Variants in SLC25A25 observed in about 807,000 individuals in gnomAD.
The protein encoded by SLC25A25 is solute carrier family 25 member 25, also known as mitochondrial adenyl nucleotide antiporter SLC25A25.
In SLC25A25, 32 loss-of-function variants were observed where a neutral mutation model predicts 57.7. The observed-to-expected ratio is 0.55, with a 90% CI of 0.42 to 0.74. The LOEUF is 0.74. Among genes scored for constraint, SLC25A25 ranks in the 30% least tolerant of loss-of-function variants. The pLI, the probability that SLC25A25 is intolerant of heterozygous loss-of-function variation, is 0.00. For missense variants in SLC25A25, 556 were observed against 701.3 expected, an observed-to-expected ratio of 0.79 and a Z score of 2.34; for synonymous variants, 306 against 291.2, an observed-to-expected ratio of 1.05 and a Z score of -0.52.
chr9:128,107,830 C>G lies in SLC25A25; in HGVS notation c.*386C>G. 1 of 404,186 alleles carries G rather than the reference C, an allele frequency of 2.5e-6. No homozygotes were observed. The highest frequency in any genetic ancestry group is 3.5e-5 in the East Asian group (1 of 28,178). The allele number at this position is 404,186 out of a possible 1,614,324, so 25.0% of individuals were successfully genotyped here. On this transcript the variant is annotated 3_prime_UTR_variant, in exon 11 of 11. Transcript: ENST00000373069. ...CCACGGCCCCTGCCCTCTGGTCTGC[C>G]GTGCATCTCCCTGTGCCCTCTTGCT...
chr9:128,100,294 T>G (rs995520814), intron 1 of SLC25A25, among the ~76,000 whole-genome samples: 7 of 151,750 alleles, frequency 4.6e-5, no homozygotes, highest in Non-Finnish European at 8.8e-5. Flanking sequence ...CTGTCCCAGT[T>G]GCCAACCATT....
In SLC25A25 at chr9:128,068,547, C is replaced by T. The variant is rs1158432733; in HGVS notation, c.228C>T (p.Arg76=). 1 of 1,480,370 alleles carries T rather than the reference C, an allele frequency of 6.8e-7. No homozygotes were observed. Among genetic ancestry groups the T allele is most frequent in the African/African-American group, 1.5e-5 (1 of 68,638 alleles). The allele number at this position is 1,480,370 out of a possible 1,614,324, so 91.7% of individuals were successfully genotyped here. The change falls in exon 1 of 11, where the codon CGC becomes CGT. Residue 76 remains arginine, a synonymous_variant. Coordinates refer to ENST00000373069, the MANE Select transcript of SLC25A25 (RefSeq NM_001330988.2). ...ACGACCTGGCGGTGGGGCTGCGGCG[C>T]CTGGGACTGCACCGCACCGAGGGCG... ...CVNDLAVGLR[R]LGLHRTEGEL...
chr9:128,102,763 A>G lies in SLC25A25; in HGVS notation c.624+282A>G, dbSNP rs1833859599. Among the ~76,000 whole-genome samples, 1 of 152,126 alleles carries G rather than the reference A, an allele frequency of 6.6e-6. No individual in the cohort carries two copies. Among genetic ancestry groups the G allele is most frequent in the South Asian group, 2.1e-4 (1 of 4,814 alleles). ...CCCTGCTCCCTGCTCCTCATGGGCC[A>G]CTTCAAATACCCCTTCCCATGATGC... On this transcript the variant is annotated intron_variant, in intron 5 of 10. Coordinates refer to ENST00000373069, the MANE Select transcript of SLC25A25 (RefSeq NM_001330988.2). The surrounding 1 kb of genome is among the most constrained non-coding windows in gnomAD (Gnocchi z 4.1).
intron 1 of SLC25A25, among the ~76,000 whole-genome samples, chr9:128,097,876 G>T (rs1833608928): frequency 6.6e-6 from 1 of 152,238 alleles, no homozygotes; most frequent in Non-Finnish European, 1.5e-5. Flanking sequence ...GTGGGCTGTG[G>T]AGGGCTGCAG....
chr9:128,070,290 G>A (rs1832876746), intron 1 of SLC25A25, among the ~76,000 whole-genome samples: 2 of 151,186 alleles, frequency 1.3e-5, no homozygotes, highest in Non-Finnish European at 1.5e-5. Flanking sequence ...AAGAGAGATG[G>A]GGTTTCACCG....
At chr9:128,068,634 G>C (rs902672004) in intron 1 of SLC25A25, 54 bp downstream of exon 1, 2 of 1,387,868 alleles carry the variant, frequency 1.4e-6, no homozygotes, top group African/African-American at 3.0e-5. Flanking sequence ...CGAGGGCCGG[G>C]TGACAGGTCT....
At chr9:128,098,570 C>G in intron 1 of SLC25A25, 1 of 1,611,956 alleles carries the variant, frequency 6.2e-7, no homozygotes, top group Non-Finnish European at 8.5e-7. Context: ...CGCCAACATG[C>G]TCTGTCTGTG....
At chr9:128,073,208 C>T (rs1832942477) in intron 1 of SLC25A25, among the ~76,000 whole-genome samples, 1 of 152,214 alleles carries the variant, frequency 6.6e-6, no homozygotes, top group Admixed American at 6.6e-5. Flanking sequence ...TGCTCCTCTC[C>T]TCCTTAACAC....
At chr9:128,080,481 C>CTT (rs11445322) in intron 1 of SLC25A25, among the ~76,000 whole-genome samples, 4,886 of 141,722 alleles carry the variant, frequency 0.034, 231 homozygotes, top group African/African-American at 0.099. Context: ...CCTTGTTGGG[C>CTT]TTTTTTTTTT....
intron 1 of SLC25A25, among the ~76,000 whole-genome samples, chr9:128,088,423 C>T (rs1461885228): frequency 6.6e-6 from 1 of 152,178 alleles, no homozygotes; most frequent in Admixed American, 6.5e-5. Context: ...GTGCAGCTCT[C>T]TCCTCTCCGG....
rs1834142162 is a variant in SLC25A25 at position 128,108,497 on chromosome 9, T to C, written c.*1053T>C. On this transcript the variant is annotated 3_prime_UTR_variant, in exon 11 of 11. Coordinates refer to ENST00000373069, the MANE Select transcript of SLC25A25 (RefSeq NM_001330988.2). Reference sequence around the variant, plus strand: ...GGACCAGCCCCACATTCCACTTGTGTCACTGCTTGGAACCTATTTATTTTG... The same window carrying C: ...GGACCAGCCCCACATTCCACTTGTGCCACTGCTTGGAACCTATTTATTTTG... 2.6e-6 allele frequency: 1 copy of C among 383,502 alleles called. No individual in the cohort carries two copies. The highest frequency in any genetic ancestry group is 2.1e-5 in the African/African-American group (1 of 48,370). The allele number at this position is 383,502 out of a possible 1,614,324, so 23.8% of individuals were successfully genotyped here.
At chr9:128,093,925 A>G (rs930693671) in intron 1 of SLC25A25, among the ~76,000 whole-genome samples, 2 of 152,200 alleles carry the variant, frequency 1.3e-5, no homozygotes, top group Non-Finnish European at 2.9e-5. Context: ...TGAGGTGGAC[A>G]GATCACGAGG....
At chr9:128,084,330 G>A (rs1472797350) in intron 1 of SLC25A25, among the ~76,000 whole-genome samples, 1 of 150,164 alleles carries the variant, frequency 6.7e-6, no homozygotes, top group East Asian at 2.0e-4. Flanking sequence ...GCGCGATCTC[G>A]GCTTACTGCA....
intron 1 of SLC25A25, among the ~76,000 whole-genome samples, chr9:128,098,132 CTG>C (rs2130811135): frequency 6.6e-6 from 1 of 152,362 alleles, no homozygotes; most frequent in African/African-American, 2.4e-5. Flanking sequence ...AGGAGAAAAA[CTG>C]TTGTGTGACA....
intron 1 of SLC25A25, among the ~76,000 whole-genome samples, chr9:128,077,882 C>G (rs1370307951): frequency 4.6e-5 from 7 of 151,850 alleles, no homozygotes; most frequent in Non-Finnish European, 1.5e-5. Context: ...AAAAATTAGC[C>G]GAGCATGGTG....
chr9:128,086,328 ATTTTT>A (rs35134996), intron 1 of SLC25A25, among the ~76,000 whole-genome samples: 3 of 95,434 alleles, frequency 3.1e-5, no homozygotes, highest in Admixed American at 1.2e-4. Flanking sequence ...TACTCGGCTA[ATTTTT>A]TTTTTTTTTT....
At position 128,091,576 on chromosome 9, in the gene SLC25A25, C is replaced by T. The variant is rs1833407832; in HGVS notation, c.262-9520C>T. ...TTTTTTTTTTTAAAAAAAAGCCAAA[C>T]GTTTGCTCACCATCACCTGCAGAAG... On this transcript the variant is annotated intron_variant, in intron 1 of 10. Coordinates refer to ENST00000373069, the MANE Select transcript of SLC25A25 (RefSeq NM_001330988.2). 2.9e-6 allele frequency: 3 copies of T among 1,052,358 alleles called. 1 individual carries two copies. The Admixed American group carries it at 1.7e-4, about 58-fold the overall frequency. 65.2% of individuals were successfully genotyped at this position (1,052,358 alleles called of 1,614,324 possible).
Position 128,103,897 on chromosome 9 carries a change from G to A in SLC25A25, c.783+58G>A, listed in dbSNP as rs564906853. 1.4e-3 allele frequency: 2,115 copies of A among 1,471,160 alleles called. 2 individuals are homozygous for A. The highest frequency in any genetic ancestry group is 1.7e-3 in the Non-Finnish European group (1,913 of 1,111,460). 91.1% of individuals were successfully genotyped at this position (1,471,160 alleles called of 1,614,324 possible). A position where few individuals can be genotyped will look rare whatever the true frequency, so the allele number is the denominator to read the frequency against. ...GGCCAGTTTCCACCTGGGGGATGCT[G>A]CTTGGCTAGTTTTCCCTTTCTCTGG... On this transcript the variant is annotated intron_variant, in intron 6 of 10. Transcript: ENST00000373069. This position sits in a 1 kb window ranked among gnomAD's most constrained non-coding sequence, Gnocchi z 6.7.
intron 1 of SLC25A25, among the ~76,000 whole-genome samples, chr9:128,092,546 A>G (rs1030304888): frequency 1.3e-5 from 2 of 152,066 alleles, no homozygotes; most frequent in African/African-American, 2.4e-5. Flanking sequence ...GGTCCGACCC[A>G]TCTCTCCTTT....
Sources: allele counts gnomAD v4.1 joint callset (sites outside exome capture counted in the v4.1 genomes callset), GRCh38; gene constraint gnomAD v4.1.1; non-coding constraint Gnocchi (gnomAD v3.1); transcripts MANE v1.5; gene names NCBI Gene and HGNC (gene_info 2026-07-23, HGNC 2026-07-21).